Variants in SNTG1 observed in about 807,000 individuals in gnomAD.
The protein encoded by SNTG1 is syntrophin gamma 1.
Under a neutral mutation model 74.7 loss-of-function variants are expected in SNTG1, and 39 were observed. The ratio of observed to expected loss-of-function variants is 0.52; its 90% CI spans 0.40 to 0.68. The LOEUF is 0.68. Among genes scored for constraint, SNTG1 ranks in the 30% least tolerant of loss-of-function variants. The probability of loss-of-function intolerance (pLI) is 0.00; values close to 1 mark genes in which losing one functional copy is unlikely to be tolerated. For missense variants in SNTG1, 685 were observed against 609.5 expected (o/e 1.12, Z -1.30); for synonymous variants, 254 against 217.1 (o/e 1.17, Z -1.49).
At chr8:49,985,757 A>G (rs1321307856) in intron 1 of SNTG1, among the ~76,000 whole-genome samples, 1 of 152,198 alleles carries the variant, frequency 6.6e-6, no homozygotes, top group East Asian at 1.9e-4. Flanking sequence ...ATATTCTCTC[A>G]TGATAGGTAA....
intron 1 of SNTG1, among the ~76,000 whole-genome samples, chr8:50,046,994 T>G (rs1819145648): frequency 6.6e-6 from 1 of 152,218 alleles, no homozygotes; most frequent in South Asian, 2.1e-4. Context: ...TCTTTGAGTT[T>G]TCTACATTCC....
At chr8:50,042,976 G>A (rs919832250) in intron 1 of SNTG1, among the ~76,000 whole-genome samples, 1 of 152,056 alleles carries the variant, frequency 6.6e-6, no homozygotes, top group Non-Finnish European at 1.5e-5. Context: ...ATGAGCCATT[G>A]AGTAATAAAA....
At chr8:50,191,533 T>C (rs1010316007) in intron 2 of SNTG1, among the ~76,000 whole-genome samples, 1 of 152,132 alleles carries the variant, frequency 6.6e-6, no homozygotes, top group African/African-American at 2.4e-5. Context: ...AATCCTCTAA[T>C]ACAGAATTAT....
intron 13 of SNTG1, among the ~76,000 whole-genome samples, chr8:50,614,139 G>A (rs1197597480): frequency 6.6e-6 from 1 of 151,892 alleles, no homozygotes; most frequent in Non-Finnish European, 1.5e-5. Flanking sequence ...ATTATTTAAT[G>A]ACTTAAGAAA....
At chr8:50,463,668 A>G (rs1307779291) in intron 8 of SNTG1, among the ~76,000 whole-genome samples, 1 of 152,186 alleles carries the variant, frequency 6.6e-6, no homozygotes. Context: ...CCTAGAGTAC[A>G]GGTAGAGTAG....
intron 2 of SNTG1, among the ~76,000 whole-genome samples, chr8:50,352,862 C>T (rs2091705311): frequency 6.6e-6 from 1 of 152,112 alleles, no homozygotes; most frequent in African/African-American, 2.4e-5. Context: ...CCTTAGGGAT[C>T]TAGAACTAGA....
Position 50,140,107 on chromosome 8 carries a change from T to C in SNTG1, c.-102-32454T>C, listed in dbSNP as rs564677017. On this transcript the variant is annotated intron_variant, in intron 1 of 18. Coordinates refer to ENST00000642720, the MANE Select transcript of SNTG1 (RefSeq NM_018967.5). The stretch of plus-strand genomic sequence containing the variant: ...TATTGTTCTGTAAGGTCCCAGTTTA[T>C]TTGATAAAAAATAATCAATCAACCA... Among the ~76,000 whole-genome samples, 6 of 152,348 alleles carry C rather than the reference T, an allele frequency of 3.9e-5. No homozygotes were observed. In the East Asian group the frequency reaches 7.7e-4, roughly 20 times the overall value.
At chr8:50,728,657 G>A (rs1349208078) in intron 17 of SNTG1, among the ~76,000 whole-genome samples, 1 of 152,194 alleles carries the variant, frequency 6.6e-6, no homozygotes. Context: ...TGCATGAGGA[G>A]TCAGGTTGGG....
At chr8:50,049,405 ATTAT>A (rs1819375985) in intron 1 of SNTG1, among the ~76,000 whole-genome samples, 1 of 152,168 alleles carries the variant, frequency 6.6e-6, no homozygotes, top group African/African-American at 2.4e-5. Flanking sequence ...AAAGGAGGTC[ATTAT>A]TATATTTATG....
intron 12 of SNTG1, among the ~76,000 whole-genome samples, chr8:50,572,123 G>A (rs1403152336): frequency 2.6e-5 from 4 of 151,940 alleles, no homozygotes; most frequent in Non-Finnish European, 4.4e-5. Flanking sequence ...TGAAGCCCAC[G>A]GTGACTGTGC....
chr8:50,714,058 CAAA>C (rs34349683), intron 17 of SNTG1, among the ~76,000 whole-genome samples: 15 of 104,890 alleles, frequency 1.4e-4, no homozygotes, highest in Non-Finnish European at 1.1e-4. Context: ...GACTCCATTT[CAAA>C]AAAAAAAAAA....
intron 1 of SNTG1, among the ~76,000 whole-genome samples, chr8:50,087,355 A>G (rs1180331156): frequency 6.6e-6 from 1 of 152,164 alleles, no homozygotes; most frequent in African/African-American, 2.4e-5. Flanking sequence ...TCTCAAATAG[A>G]GAGCTTCCAC....
At chr8:50,330,972 T>C (rs1156784956) in intron 2 of SNTG1, among the ~76,000 whole-genome samples, 1 of 152,214 alleles carries the variant, frequency 6.6e-6, no homozygotes, top group Non-Finnish European at 1.5e-5. Flanking sequence ...AACCATATCA[T>C]GTGATTTCTG....
chr8:50,049,058 C>A (rs1019588932), intron 1 of SNTG1, among the ~76,000 whole-genome samples: 1 of 150,884 alleles, frequency 6.6e-6, no homozygotes, highest in Non-Finnish European at 1.5e-5. Flanking sequence ...ATATAAAATG[C>A]TCAATTAAAG....
At chr8:50,249,846 A>G (rs886340477) in intron 2 of SNTG1, among the ~76,000 whole-genome samples, 14 of 152,202 alleles carry the variant, frequency 9.2e-5, no homozygotes, top group Admixed American at 6.5e-4. Context: ...AAGTTATTCC[A>G]TAAATTGGAA....
chr8:50,479,305 A>T (rs2093721160), intron 8 of SNTG1, among the ~76,000 whole-genome samples: 1 of 151,548 alleles, frequency 6.6e-6, no homozygotes, highest in Non-Finnish European at 1.5e-5. Context: ...GCATTGAGGG[A>T]CTCTTGTAAT....
intron 9 of SNTG1, 75 bp from the exon 10 acceptor site, chr8:50,530,102 A>AGTGTAATGGAAT (rs1190465138): frequency 8.7e-7 from 1 of 1,154,370 alleles, no homozygotes; most frequent in Admixed American, 1.8e-5. Flanking sequence ...TATCCTTGAA[A>AGTGTAATGGAAT]GTGTAATGGA....
chr8:49,947,845 A>G (rs1809342134), intron 1 of SNTG1, among the ~76,000 whole-genome samples: 1 of 152,186 alleles, frequency 6.6e-6, no homozygotes, highest in Non-Finnish European at 1.5e-5. Context: ...AAAAGTTGAT[A>G]TCAGGCCTGG....
intron 2 of SNTG1, among the ~76,000 whole-genome samples, chr8:50,214,812 T>A (rs540614859): frequency 6.6e-6 from 1 of 152,120 alleles, no homozygotes; most frequent in African/African-American, 2.4e-5. Context: ...AATAGCCAAG[T>A]CAAAAAATTG....
Sources: gnomAD v4.1 joint callset for allele counts (sites outside exome capture counted in the v4.1 genomes callset) on GRCh38, gnomAD v4.1.1 for gene constraint, MANE v1.5 for transcripts, NCBI Gene and HGNC (gene_info 2026-07-23, HGNC 2026-07-21) for gene names.